Variants in LMO7 observed in about 807,000 individuals in gnomAD.
LMO7 encodes LIM domain 7.
A neutral mutation model predicts 206.5 loss-of-function variants in LMO7; 120 were observed. That is an observed-to-expected ratio of 0.58 (90% CI 0.50 to 0.68). The LOEUF is 0.68. LMO7 is among the 30% of genes least tolerant of loss of function. The probability of loss-of-function intolerance (pLI) is 0.00; values close to 1 mark genes in which losing one functional copy is unlikely to be tolerated. For missense variants in LMO7, 1,959 were observed against 1,957.9 expected, an observed-to-expected ratio of 1.00 and a Z score of -0.01; for synonymous variants, 706 against 681.5, an observed-to-expected ratio of 1.04 and a Z score of -0.56.
intron 2 of LMO7, among the ~76,000 whole-genome samples, chr13:75,717,532 A>G (rs549080044): frequency 6.6e-6 from 1 of 151,916 alleles, no homozygotes; most frequent in South Asian, 2.1e-4. Context: ...CTGCCTAAAA[A>G]TACTGTAATA....
chr13:75,845,395 T>C lies in LMO7; in HGVS notation c.4150+16T>C, dbSNP rs1212627510. Reference sequence around the variant, plus strand: ...AATAAAAATGGTAAATGCGATATTTTCCCCCAAACTCCTTCAGAGTTGCTT... The same window carrying C: ...AATAAAAATGGTAAATGCGATATTTCCCCCCAAACTCCTTCAGAGTTGCTT... On this transcript the variant is annotated intron_variant, in intron 26 of 30. Coordinates refer to ENST00000377534, the MANE Select transcript of LMO7 (RefSeq NM_001306080.2). 4 of 1,508,112 alleles carry C rather than the reference T, an allele frequency of 2.7e-6. No individual in the cohort carries two copies. Among genetic ancestry groups the C allele is most frequent in the Non-Finnish European group, 3.7e-6 (4 of 1,087,726 alleles). 93.4% of individuals were successfully genotyped at this position (1,508,112 alleles called of 1,614,324 possible).
At chr13:75,855,399 G>C in intron 29 of LMO7, 31 bp downstream of exon 29, 1 of 1,457,974 alleles carries the variant, frequency 6.9e-7, no homozygotes, top group Non-Finnish European at 9.6e-7. Flanking sequence ...TTGCAGGCCT[G>C]CAAAGCTTTG....
intron 28 of LMO7, among the ~76,000 whole-genome samples, chr13:75,854,749 A>G (rs1489195619): frequency 6.6e-6 from 1 of 152,190 alleles, no homozygotes; most frequent in African/African-American, 2.4e-5. Context: ...AAGCACTGAC[A>G]TTTCTCTGTA....
intron 4 of LMO7, among the ~76,000 whole-genome samples, chr13:75,776,204 T>TATAA (rs1440052148): frequency 3.1e-4 from 37 of 120,640 alleles, no homozygotes; most frequent in African/African-American, 9.9e-4. Flanking sequence ...TATATATATA[T>TATAA]AACGTTAAGT....
intron 3 of LMO7, among the ~76,000 whole-genome samples, chr13:75,748,986 T>C (rs1435181803): frequency 6.6e-6 from 1 of 152,024 alleles, no homozygotes; most frequent in Admixed American, 6.6e-5. Context: ...TTTAAGGTTT[T>C]TGTAGAGATG....
intron 26 of LMO7, among the ~76,000 whole-genome samples, chr13:75,847,997 C>T (rs1021747133): frequency 6.6e-6 from 1 of 152,104 alleles, no homozygotes; most frequent in Non-Finnish European, 1.5e-5. Flanking sequence ...ATTTCAAATA[C>T]ACTTTATTTA....
chr13:75,737,871 A>G (rs1594657765), intron 3 of LMO7, among the ~76,000 whole-genome samples: 1 of 137,288 alleles, frequency 7.3e-6, no homozygotes, highest in Non-Finnish European at 1.6e-5. Context: ...AAAACACAGT[A>G]CAAAAATGTC....
At chr13:75,748,538 ATTAGC>A (rs1265831560) in intron 3 of LMO7, among the ~76,000 whole-genome samples, 3 of 152,222 alleles carry the variant, frequency 2.0e-5, no homozygotes, top group Non-Finnish European at 4.4e-5. Context: ...CTCAGTAAAT[ATTAGC>A]TTAGGAAAAT....
chr13:75,654,387 G>A (rs1381547651), intron 1 of LMO7, among the ~76,000 whole-genome samples: 2 of 152,202 alleles, frequency 1.3e-5, no homozygotes, highest in Non-Finnish European at 2.9e-5. Flanking sequence ...GGAAGAATTA[G>A]CCTGATCTCT....
Position 75,855,210 on chromosome 13 carries a change from C to T in LMO7, c.4662-50C>T, listed in dbSNP as rs201928264. The T allele has an allele frequency of 1.3e-3, 1,408 of 1,115,428 alleles. 4 individuals are homozygous for T. The highest frequency in any genetic ancestry group is 7.0e-3 in the Middle Eastern group (35 of 4,968). The allele number at this position is 1,115,428 out of a possible 1,614,324, so 69.1% of individuals were successfully genotyped here. On this transcript the variant is annotated intron_variant, in intron 28 of 30. Transcript: ENST00000377534. ...CAGAGTGTGACTTTTAAAGAAGAAT[C>T]TTGAGCTGCCCAGGTGAAAGCCTCC... is the stretch of plus-strand genomic sequence containing the variant.
chr13:75,663,153 C>A (rs1336890230), intron 1 of LMO7, among the ~76,000 whole-genome samples: 1 of 151,662 alleles, frequency 6.6e-6, no homozygotes. Flanking sequence ...ATCTCTCTCT[C>A]TATAAAACTC....
intron 3 of LMO7, among the ~76,000 whole-genome samples, chr13:75,740,610 T>C (rs1403375491): frequency 6.6e-6 from 1 of 152,220 alleles, no homozygotes; most frequent in African/African-American, 2.4e-5. Flanking sequence ...ATTGCTGATT[T>C]TGTAGATTTG....
At chr13:75,760,342 G>A in intron 3 of LMO7, 1 of 997,730 alleles carries the variant, frequency 1.0e-6, no homozygotes, top group Non-Finnish European at 1.2e-6. Context: ...ATGCAATTTA[G>A]CCAATGAACA....
intron 4 of LMO7, among the ~76,000 whole-genome samples, chr13:75,793,703 A>G (rs919261214): frequency 1.3e-5 from 2 of 152,242 alleles, no homozygotes; most frequent in Non-Finnish European, 2.9e-5. Context: ...AAAAGTATAC[A>G]TATTACAAAT....
At position 75,833,099 on chromosome 13, in the gene LMO7, A is replaced by G. The variant is rs761304167; in HGVS notation, c.2998A>G (p.Ser1000Gly). 6 of 1,611,870 alleles carry G rather than the reference A, an allele frequency of 3.7e-6. No homozygotes were observed. Among genetic ancestry groups the G allele is most frequent in the Non-Finnish European group, 1.7e-6 (2 of 1,178,214 alleles). Residue 1000 changes from serine to glycine, a missense_variant, in exon 16 of 31, where the codon AGT (serine) becomes GGT (glycine). Transcript: ENST00000377534. The part of the protein sequence containing the change: ...RISINQTPGK[S>G]LDFGFTIKWD... The stretch of plus-strand genomic sequence containing the variant: ...CAGCATAAACCAGACGCCTGGGAAG[A>G]GTCTTGACTTTGGGTTTACAATAAA...
At chr13:75,679,980 T>G (rs1393092324) in intron 1 of LMO7, among the ~76,000 whole-genome samples, 1 of 152,114 alleles carries the variant, frequency 6.6e-6, no homozygotes, top group East Asian at 1.9e-4. Context: ...ACGTGTGCCA[T>G]GGTAGTTTGC....
Position 75,817,296 on chromosome 13 carries a change from T to TGGA in LMO7, c.2064+21_2064+23dup. ...GGCAGGATGTGAGTATTTTGGGGAT[T>TGGA]GGAGGGGAGAGAGTGTATTTGTCTA... On this transcript the variant is annotated intron_variant, in intron 12 of 30. Transcript: ENST00000377534. 1.4e-6 allele frequency: 2 copies of TGGA among 1,475,184 alleles called. No individual in the cohort carries two copies. The highest frequency in any genetic ancestry group is 1.9e-6 in the Non-Finnish European group (2 of 1,057,130). 91.4% of individuals were successfully genotyped at this position (1,475,184 alleles called of 1,614,324 possible).
chr13:75,672,432 G>T (rs983563702), intron 1 of LMO7, among the ~76,000 whole-genome samples: 4 of 151,810 alleles, frequency 2.6e-5, no homozygotes, highest in Admixed American at 2.6e-4. Context: ...GTAGAGACGG[G>T]GTTTCTTCAT....
At chr13:75,802,169 A>G (rs963996017) in intron 7 of LMO7, among the ~76,000 whole-genome samples, 16 of 152,230 alleles carry the variant, frequency 1.1e-4, no homozygotes, top group Admixed American at 9.2e-4. Context: ...ACCAATCAAC[A>G]ATTTATTAAG....
Sources: gnomAD v4.1 joint callset for allele counts (sites outside exome capture counted in the v4.1 genomes callset) on GRCh38, gnomAD v4.1.1 for gene constraint, MANE v1.5 for transcripts, NCBI Gene and HGNC (gene_info 2026-07-23, HGNC 2026-07-21) for gene names.